EFR3A: variants seen among roughly 807,000 people sequenced by gnomAD.
The protein encoded by EFR3A is EFR3 homolog A.
A neutral mutation model predicts 104.4 loss-of-function variants in EFR3A; 76 were observed. The observed-to-expected ratio is 0.73, with a 90% confidence interval of 0.60 to 0.88. EFR3A has a LOEUF of 0.88. EFR3A is among the 40% of genes least tolerant of loss of function. EFR3A has a pLI of 0.00. For synonymous variants in EFR3A, 330 were observed against 330.0 expected (o/e 1.00, Z 0.00); for missense variants, 985 against 1,012.5 (o/e 0.97, Z 0.37).
intron 1 of EFR3A, among the ~76,000 whole-genome samples, chr8:131,907,060 A>T (rs1816294393): frequency 6.6e-6 from 1 of 152,214 alleles, no homozygotes. Flanking sequence ...TGGCCCCTAT[A>T]ATCAGTAACC....
rs529948618 is a variant in EFR3A, at chr8:131,967,434, G to A, written c.856-861G>A. Among the ~76,000 whole-genome samples the A allele has an allele frequency of 5.5e-4, 84 of 151,964 alleles. No individual in the cohort carries two copies. In the South Asian group the frequency reaches 0.017, roughly 31 times the overall value. ...AACCAGCCTGAAAACAGGGCAGAGG[G>A]GACCTGTCTGAAGACAAATACAGAC... On this transcript the variant is annotated intron_variant, in intron 8 of 22. Transcript: ENST00000254624.
intron 22 of EFR3A, among the ~76,000 whole-genome samples, chr8:132,004,482 G>T (rs1457161298): frequency 6.6e-6 from 1 of 152,202 alleles, no homozygotes; most frequent in Non-Finnish European, 1.5e-5. Flanking sequence ...ATCTGAGGTG[G>T]ATCAATTTCA....
intron 10 of EFR3A, among the ~76,000 whole-genome samples, chr8:131,970,980 T>G (rs963731541): frequency 1.3e-5 from 2 of 152,170 alleles, no homozygotes; most frequent in Non-Finnish European, 2.9e-5. Context: ...TGTATGTATA[T>G]GTGGGAATAC....
chr8:131,926,849 T>A (rs143490088), intron 1 of EFR3A, among the ~76,000 whole-genome samples: 2 of 152,018 alleles, frequency 1.3e-5, no homozygotes, highest in African/African-American at 4.8e-5. Context: ...ATGCTGTTAG[T>A]TTTCATTTTT....
At chr8:131,978,719 T>G (rs1820440468) in intron 12 of EFR3A, 128 bp from the exon 13 acceptor site, 1 of 720,200 alleles carries the variant, frequency 1.4e-6, no homozygotes, top group African/African-American at 1.8e-5. Context: ...ACATTTCTTT[T>G]ATGTCTTTTC....
At chr8:131,996,264 T>C in intron 18 of EFR3A, 142 bp from the exon 19 acceptor site, 1 of 520,198 alleles carries the variant, frequency 1.9e-6, no homozygotes, top group Non-Finnish European at 3.3e-6. Context: ...AACACGCTGC[T>C]TTTATGTATT....
chr8:131,970,643 G>T lies in EFR3A; in HGVS notation c.1159G>T (p.Gly387Ter). The T allele has an allele frequency of 6.2e-7, 1 of 1,610,982 alleles. No individual in the cohort carries two copies. The highest frequency in any genetic ancestry group is 8.5e-7 in the Non-Finnish European group (1 of 1,178,468). Residue 387 changes from glycine (G) to a stop codon, truncating the protein, a stop_gained and splice_region_variant, in exon 10 of 23, where the codon GGA becomes TGA. Transcript: ENST00000254624. LOFTEE classifies it high-confidence loss of function. ...GCAGAATGCTATCATCCAAACAATA[G>T]GTGAGTACATTTCACTTTTCAAAAC... ...IVQNAIIQTI[G>*]FFGSNLPDYQ...
intron 5 of EFR3A, among the ~76,000 whole-genome samples, chr8:131,950,472 G>C (rs1481220541): frequency 6.6e-6 from 1 of 152,122 alleles, no homozygotes; most frequent in Non-Finnish European, 1.5e-5. Flanking sequence ...TTCCCTGGAT[G>C]CCCACATGGC....
intron 6 of EFR3A, among the ~76,000 whole-genome samples, chr8:131,955,292 G>A (rs571660449): frequency 1.3e-5 from 2 of 152,216 alleles, no homozygotes; most frequent in East Asian, 3.9e-4. Context: ...TTCAGGATAT[G>A]AACAGAATAT....
intron 1 of EFR3A, among the ~76,000 whole-genome samples, chr8:131,922,231 A>G (rs1201347449): frequency 6.6e-6 from 1 of 152,134 alleles, no homozygotes; most frequent in African/African-American, 2.4e-5. Context: ...GGCTTACCCT[A>G]ATCCAGTATG....
chr8:131,980,844 C>G (rs933030489), intron 14 of EFR3A, among the ~76,000 whole-genome samples: 2 of 152,056 alleles, frequency 1.3e-5, no homozygotes, highest in Non-Finnish European at 1.5e-5. Flanking sequence ...CCAGCTCTTG[C>G]TAACCACCAT....
intron 1 of EFR3A, among the ~76,000 whole-genome samples, chr8:131,921,548 C>A (rs1817027435): frequency 6.6e-6 from 1 of 152,096 alleles, no homozygotes; most frequent in Non-Finnish European, 1.5e-5. Context: ...CTTTTACTTA[C>A]AACATTTTCA....
chr8:131,959,486 G>A (rs1819194884), intron 7 of EFR3A, 99 bp from the exon 8 acceptor site: 2 of 864,120 alleles, frequency 2.3e-6, no homozygotes. Flanking sequence ...TTTCTTTTAG[G>A]TAATATTCTC....
chr8:132,003,111 T>G, intron 21 of EFR3A, 125 bp from the exon 22 acceptor site: 2 of 744,948 alleles, frequency 2.7e-6, no homozygotes, highest in Non-Finnish European at 4.3e-6. Flanking sequence ...TTTAAAGCAT[T>G]GTGTACTTAA....
rs2130833014 is a variant in EFR3A, at chr8:132,012,761, A to G, written c.*1866A>G. The G allele has an allele frequency of 6.6e-6, 1 of 152,426 alleles. No homozygotes were observed. Among genetic ancestry groups the G allele is most frequent in the East Asian group, 1.9e-4 (1 of 5,178 alleles). 9.4% of individuals were successfully genotyped at this position (152,426 alleles called of 1,614,324 possible). ...ATGGAAAAAATATATATAATTTAAT[A>G]GTATAAAAAATAAAATATATATTCA... On this transcript the variant is annotated 3_prime_UTR_variant, in exon 23 of 23. Transcript: ENST00000254624.
intron 7 of EFR3A, 143 bp from the exon 8 acceptor site, chr8:131,959,442 G>C: frequency 1.6e-6 from 1 of 631,844 alleles, no homozygotes; most frequent in South Asian, 2.3e-5. Context: ...ATTTCATGAA[G>C]TTCATTACTT....
chr8:131,982,824 T>G (rs1218493753), intron 14 of EFR3A, among the ~76,000 whole-genome samples: 2 of 152,020 alleles, frequency 1.3e-5, no homozygotes, highest in African/African-American at 4.8e-5. Flanking sequence ...TATAGAAACC[T>G]TATGTGTTTG....
At chr8:131,981,747 C>T (rs1820626271) in intron 14 of EFR3A, among the ~76,000 whole-genome samples, 1 of 151,984 alleles carries the variant, frequency 6.6e-6, no homozygotes, top group African/African-American at 2.4e-5. Context: ...TAAATTACTA[C>T]CCAGCCTAAA....
At chr8:131,977,608 A>AAT (rs1168563406) in intron 12 of EFR3A, among the ~76,000 whole-genome samples, 10 of 152,308 alleles carry the variant, frequency 6.6e-5, no homozygotes, top group African/African-American at 2.2e-4. Context: ...ATTGTCTAGC[A>AAT]ATTGTACTCA....
Sources: gnomAD v4.1 joint callset for allele counts (sites outside exome capture counted in the v4.1 genomes callset) on GRCh38, gnomAD v4.1.1 for gene constraint, MANE v1.5 for transcripts, NCBI Gene and HGNC (gene_info 2026-07-23, HGNC 2026-07-21) for gene names.